The following HLTF variants were observed in gnomAD, a reference collection of about 807,000 sequenced individuals.
The protein encoded by HLTF is DNA-dependent ATPase/E3 ubiquitin-protein ligase HLTF.
In HLTF, 127 loss-of-function variants were observed where a neutral mutation model predicts 129.4. That is an observed-to-expected ratio of 0.98 (90% confidence interval 0.85 to 1.14). HLTF has a LOEUF of 1.14. HLTF is among the 50% of genes most tolerant of loss of function. The pLI, the probability that HLTF is intolerant of heterozygous loss-of-function variation, is 0.00. For synonymous variants in HLTF, 332 were observed against 388.8 expected (o/e 0.85, Z 1.72); for missense variants, 1,139 against 1,187.1 (o/e 0.96, Z 0.60).
chr3:149,086,012 C>T (rs1720361727), intron 1 of HLTF, among the ~76,000 whole-genome samples: 1 of 152,078 alleles, frequency 6.6e-6, no homozygotes, highest in Non-Finnish European at 1.5e-5. Flanking sequence ...ATGCCTGGCG[C>T]ACAGTGGGTA....
chr3:149,070,633 C>T (rs1718766804), intron 7 of HLTF, among the ~76,000 whole-genome samples: 1 of 152,188 alleles, frequency 6.6e-6, no homozygotes, highest in African/African-American at 2.4e-5. Context: ...CTATTTAATA[C>T]TCTGCATAAC....
At chr3:149,074,446 T>C in intron 3 of HLTF, 98 bp from the exon 4 acceptor site, 1 of 1,157,544 alleles carries the variant, frequency 8.6e-7, no homozygotes, top group East Asian at 2.4e-5. Context: ...ATTTACATTT[T>C]ACATTGAAGT....
chr3:149,084,888 C>G lies in HLTF; in HGVS notation c.22G>C (p.Asp8His), dbSNP rs1190422686. 1 of 1,609,048 alleles carries G rather than the reference C, an allele frequency of 6.2e-7. No homozygotes were observed. The highest frequency in any genetic ancestry group is 1.1e-5 in the South Asian group (1 of 89,896). MSWMFKRDPVWKYLQTVQ... is the reference protein window; with the variant it reads MSWMFKRHPVWKYLQTVQ... ...GTCTGCAAGTACTTCCAAACTGGAT[C>G]CCTATTTTTTTTTAAAGGCAAAGAA... The change falls in exon 2 of 25, where the codon GAT (aspartate) becomes CAT (histidine). Residue 8 changes from aspartate (D) to histidine (H), a missense_variant and splice_region_variant. Asp to His is a moderately conservative substitution (Grantham distance 81, BLOSUM62 -1). Coordinates refer to ENST00000310053, the MANE Select transcript of HLTF (RefSeq NM_003071.4).
At chr3:149,041,392 A>T in intron 20 of HLTF, 98 bp downstream of exon 20, 1 of 650,920 alleles carries the variant, frequency 1.5e-6, no homozygotes, top group Non-Finnish European at 2.4e-6. Flanking sequence ...GTATATTATT[A>T]AATCCAAGTG....
chr3:149,063,185 G>A (rs1452211540), intron 10 of HLTF: 1 of 448,706 alleles, frequency 2.2e-6, no homozygotes, highest in Admixed American at 2.9e-5. Context: ...TCAGCCTCCT[G>A]GGTAACTGGG....
At chr3:149,044,971 A>G (rs1716418186) in intron 18 of HLTF, among the ~76,000 whole-genome samples, 1 of 152,176 alleles carries the variant, frequency 6.6e-6, no homozygotes. Context: ...CACAGCAGCC[A>G]GAGTGATCTT....
rs1264818616 is a variant in HLTF, at chr3:149,032,073, A to G, written c.*147T>C. On this transcript the variant is annotated 3_prime_UTR_variant, in exon 25 of 25. Coordinates refer to ENST00000310053, the MANE Select transcript of HLTF (RefSeq NM_003071.4). Reference sequence around the variant, plus strand: ...TAAAAATAGGTTCATATATAGAAGAAATTGTGTCAGTAATACCTCTTCACT... The same window carrying G: ...TAAAAATAGGTTCATATATAGAAGAGATTGTGTCAGTAATACCTCTTCACT... 4 of 513,246 alleles carry G rather than the reference A, an allele frequency of 7.8e-6. No homozygotes were observed. Among genetic ancestry groups the G allele is most frequent in the Non-Finnish European group, 1.3e-5 (4 of 307,376 alleles). 31.8% of individuals were successfully genotyped at this position (513,246 alleles called of 1,614,324 possible).
chr3:149,059,543 C>T (rs1717747028), intron 13 of HLTF, 175 bp downstream of exon 13: 3 of 558,518 alleles, frequency 5.4e-6, no homozygotes, highest in Non-Finnish European at 9.5e-6. Context: ...GAAAATGCAC[C>T]AAAAGGAAAA....
intron 14 of HLTF, among the ~76,000 whole-genome samples, chr3:149,054,555 C>T (rs1452857871): frequency 2.0e-5 from 3 of 152,000 alleles, no homozygotes; most frequent in African/African-American, 7.2e-5. Context: ...CACAGGGATT[C>T]CAAGAGAGTC....
At chr3:149,036,307 T>TTTTTTTTTTTTTTAA in intron 23 of HLTF, among the ~76,000 whole-genome samples, 1 of 142,370 alleles carries the variant, frequency 7.0e-6, no homozygotes, top group East Asian at 2.1e-4. Flanking sequence ...GTTTTTTTTT[T>TTTTTTTTTTTTTTAA]GAGATGGAGT....
chr3:149,056,506 C>T (rs1216017367), intron 13 of HLTF, among the ~76,000 whole-genome samples: 2 of 152,238 alleles, frequency 1.3e-5, no homozygotes, highest in African/African-American at 2.4e-5. Context: ...ACTGTATCTA[C>T]GTATCATTCA....
chr3:149,061,552 G>A (rs932745209), intron 10 of HLTF, among the ~76,000 whole-genome samples: 17 of 151,724 alleles, frequency 1.1e-4, no homozygotes, highest in South Asian at 2.1e-4. Flanking sequence ...GAATTGGCTC[G>A]TGGCCAGGCA....
intron 1 of HLTF, 144 bp from the exon 2 acceptor site, chr3:149,085,033 G>A (rs1446041666): frequency 3.1e-6 from 2 of 646,808 alleles, no homozygotes; most frequent in South Asian, 2.0e-5. Context: ...TCTCGTTAAA[G>A]CAGGAATTGC....
At position 149,074,334 on chromosome 3, in the gene HLTF, C is replaced by T. The variant is rs1396941938; in HGVS notation, c.410G>A (p.Gly137Asp). ...LAQIEGVVPF[G>D]ANNAFTMPLH... ...AGGCATGGTAAAAGCATTGTTTGCA[C>T]CAAAAGGAACTACCCTATTATATTT... Residue 137 changes from glycine (G) to aspartate (D), a missense_variant, in exon 4 of 25, where the codon GGT (glycine) becomes GAT (aspartate). Gly to Asp is a moderately conservative substitution (Grantham distance 94). Transcript: ENST00000310053. 3 of 1,610,586 alleles carry T rather than the reference C, an allele frequency of 1.9e-6. No individual in the cohort carries two copies. The East Asian group carries it at 6.7e-5, about 36-fold the overall frequency.
At chr3:149,035,327 G>A (rs951167908) in intron 23 of HLTF, among the ~76,000 whole-genome samples, 6 of 151,938 alleles carry the variant, frequency 3.9e-5, no homozygotes, top group East Asian at 3.9e-4. Context: ...GCAGAAAAAG[G>A]TTATACATCC....
At chr3:149,056,485 C>G (rs1717440269) in intron 13 of HLTF, among the ~76,000 whole-genome samples, 1 of 152,098 alleles carries the variant, frequency 6.6e-6, no homozygotes, top group Admixed American at 6.5e-5. Context: ...GGAAGGTGAG[C>G]AAAGTATCAT....
chr3:149,061,413 A>AAAAATAAAAT (rs139954914), intron 10 of HLTF, among the ~76,000 whole-genome samples: 284 of 150,434 alleles, frequency 1.9e-3, no homozygotes, highest in African/African-American at 6.5e-3. Context: ...TCCATCTCAA[A>AAAAATAAAAT]AAAATAAAAT....
rs1719145969 is a variant in HLTF, at chr3:149,074,335, C to G, written c.409G>C (p.Gly137Arg). The G allele has an allele frequency of 6.2e-7, 1 of 1,610,756 alleles. No homozygotes were observed. Among genetic ancestry groups the G allele is most frequent in the African/African-American group, 1.3e-5 (1 of 74,632 alleles). ...LAQIEGVVPF[G>R]ANNAFTMPLH... ...GGCATGGTAAAAGCATTGTTTGCAC[C>G]AAAAGGAACTACCCTATTATATTTG... Residue 137 changes from glycine (G) to arginine (R), a missense_variant, in exon 4 of 25, where the codon GGT becomes CGT. Transcript: ENST00000310053.
intron 5 of HLTF, among the ~76,000 whole-genome samples, chr3:149,071,910 A>G (rs1433736396): frequency 2.6e-5 from 4 of 152,058 alleles, no homozygotes; most frequent in African/African-American, 9.7e-5. Context: ...AAAATTAGCC[A>G]GGCATGGGGG....
Sources: gnomAD v4.1 joint callset for allele counts (sites outside exome capture counted in the v4.1 genomes callset) on GRCh38, gnomAD v4.1.1 for gene constraint, MANE v1.5 for transcripts, NCBI Gene and HGNC (gene_info 2026-07-23, HGNC 2026-07-21) for gene names.